DST: variants seen among roughly 807,000 people sequenced by gnomAD.
The protein encoded by DST is bullous pemphigoid antigen.
A neutral mutation model predicts 875.2 loss-of-function variants in DST; 253 were observed. That is an observed-to-expected ratio of 0.29 (90% CI 0.26 to 0.32). DST has a LOEUF of 0.32. Among genes scored for constraint, DST ranks in the 10% least tolerant of loss-of-function variants. The pLI is 1.00. For missense variants in DST, 8,287 were observed against 9,111.6 expected (o/e 0.91, Z 3.68); for synonymous variants, 3,124 against 3,197.1 (o/e 0.98, Z 0.77).
At chr6:56,513,794 CA>C (rs2096533368) in intron 72 of DST, among the ~76,000 whole-genome samples, 1 of 152,144 alleles carries the variant, frequency 6.6e-6, no homozygotes, top group South Asian at 2.1e-4. Context: ...TTATATGTGA[CA>C]AAATGATTCT....
chr6:56,943,209 G>A (rs1817600259), intron 2 of DST, among the ~76,000 whole-genome samples: 2 of 152,128 alleles, frequency 1.3e-5, no homozygotes, highest in Non-Finnish European at 2.9e-5. Context: ...TGGCACTAAT[G>A]TGACTGTAAG....
chr6:56,778,949 G>A (rs2099685846), intron 4 of DST, among the ~76,000 whole-genome samples: 1 of 151,976 alleles, frequency 6.6e-6, no homozygotes, highest in South Asian at 2.1e-4. Context: ...GATCCCTGAG[G>A]AATCACCACA....
chr6:56,693,477 G>C (rs1263902740), intron 9 of DST: 4 of 858,978 alleles, frequency 4.7e-6, no homozygotes, highest in Non-Finnish European at 5.6e-6. Flanking sequence ...TGTATGAGAA[G>C]ATTATGACTG....
chr6:56,616,006 C>T, intron 36 of DST: 2 of 1,614,196 alleles, frequency 1.2e-6, no homozygotes, highest in East Asian at 2.2e-5. Flanking sequence ...CAATTATGCC[C>T]CCTGTACTGA....
At chr6:56,753,577 T>C (rs2099594251) in intron 4 of DST, among the ~76,000 whole-genome samples, 1 of 152,212 alleles carries the variant, frequency 6.6e-6, no homozygotes, top group Non-Finnish European at 1.5e-5. Flanking sequence ...CATAAAACTG[T>C]AGTTCTTCTT....
rs551702762 is a variant in DST at position 56,493,993 on chromosome 6, T to G, written c.20394+17A>C. On this transcript the variant is annotated intron_variant, in intron 83 of 103. Transcript: ENST00000680361. ...CAACTAAAACACTGATTCTATTATA[T>G]TAATCAAAGCACATACTTTCCTTTC... The G allele has an allele frequency of 9.9e-5, 152 of 1,540,552 alleles. 1 individual carries two copies. Among genetic ancestry groups the G allele is most frequent in the Non-Finnish European group, 1.1e-5 (12 of 1,140,802 alleles).
At chr6:56,852,136 C>G in intron 3 of DST, 1 of 914,048 alleles carries the variant, frequency 1.1e-6, no homozygotes, top group African/African-American at 1.8e-5. Flanking sequence ...AGTTTTAAGC[C>G]CCTGTCCTCT....
Position 56,631,879 on chromosome 6 carries a change from T to C in DST, c.3963+4A>G. ...TTTTTTCCCAACATATTTATAGCTCTCACCTCCTGTTCTGTGATTCTGAAC... is the reference window on the plus strand; with the variant it reads ...TTTTTTCCCAACATATTTATAGCTCCCACCTCCTGTTCTGTGATTCTGAAC... On this transcript the variant is annotated splice_donor_region_variant and intron_variant, in intron 29 of 103. Coordinates refer to ENST00000680361, the MANE Select transcript of DST (RefSeq NM_001374736.1). 1 of 1,613,752 alleles carries C rather than the reference T, an allele frequency of 6.2e-7. No homozygotes were observed. The highest frequency in any genetic ancestry group is 8.5e-7 in the Non-Finnish European group (1 of 1,179,722).
At chr6:56,741,122 A>G (rs2099545390) in intron 4 of DST, among the ~76,000 whole-genome samples, 1 of 152,200 alleles carries the variant, frequency 6.6e-6, no homozygotes, top group Non-Finnish European at 1.5e-5. Flanking sequence ...AAATTGGCTA[A>G]TTACTTACCA....
chr6:56,872,276 T>C (rs1342355309), intron 3 of DST, among the ~76,000 whole-genome samples: 1 of 152,204 alleles, frequency 6.6e-6, no homozygotes, highest in African/African-American at 2.4e-5. Context: ...AGCAATAGCA[T>C]ATTAAGTGAA....
At chr6:56,687,442 C>A (rs2099195321) in intron 9 of DST, among the ~76,000 whole-genome samples, 1 of 152,070 alleles carries the variant, frequency 6.6e-6, no homozygotes, top group African/African-American at 2.4e-5. Flanking sequence ...TATTTTCTAG[C>A]CCTGTGACTT....
Position 56,925,346 on chromosome 6 carries a change from G to A in DST, c.217-24725C>T, listed in dbSNP as rs76012768. Among the ~76,000 whole-genome samples, 1,475 of 152,200 alleles carry A rather than the reference G, an allele frequency of 9.7e-3. 24 individuals carry two copies. Among genetic ancestry groups the A allele is most frequent in the African/African-American group, 0.032 (1,331 of 41,510 alleles). On this transcript the variant is annotated intron_variant, in intron 2 of 103. Transcript: ENST00000680361. ...AATTATTTTTAAAAAACATACAGTC[G>A]AAATAACATTAATAGGGAGCATATG...
chr6:56,603,758 A>G (rs776020507), intron 40 of DST, 45 bp from the exon 41 acceptor site: 2 of 1,578,424 alleles, frequency 1.3e-6, no homozygotes, highest in East Asian at 4.5e-5. Context: ...CTTTATGCAG[A>G]TGTTTAAAGC....
chr6:56,686,304 G>A (rs1482885472), intron 9 of DST, among the ~76,000 whole-genome samples: 1 of 152,110 alleles, frequency 6.6e-6, no homozygotes, highest in Non-Finnish European at 1.5e-5. Flanking sequence ...CCAAAAGTGG[G>A]GATCATAAGA....
intron 61 of DST, among the ~76,000 whole-genome samples, chr6:56,550,184 C>CT (rs1219414957): frequency 2.6e-5 from 4 of 152,032 alleles, no homozygotes; most frequent in African/African-American, 4.8e-5. Context: ...TATTCTTGTC[C>CT]TTTTTTTACC....
At chr6:56,584,130 A>C (rs2098089354) in intron 49 of DST, among the ~76,000 whole-genome samples, 1 of 152,136 alleles carries the variant, frequency 6.6e-6, no homozygotes, top group Non-Finnish European at 1.5e-5. Flanking sequence ...TTCTGTGAAG[A>C]AAGTCATTGG....
chr6:56,696,621 C>T (rs1389663943), intron 9 of DST, among the ~76,000 whole-genome samples: 1 of 152,108 alleles, frequency 6.6e-6, no homozygotes. Flanking sequence ...ACCTCCCAAC[C>T]CTTTTGGCTT....
At chr6:56,493,940 G>A in intron 83 of DST, 70 bp downstream of exon 83, 1 of 1,316,342 alleles carries the variant, frequency 7.6e-7, no homozygotes, top group Non-Finnish European at 1.0e-6. Flanking sequence ...GCTCTACTCA[G>A]AAATAAGGCC....
At chr6:56,933,134 G>A (rs1346370382) in intron 2 of DST, among the ~76,000 whole-genome samples, 1 of 152,024 alleles carries the variant, frequency 6.6e-6, no homozygotes, top group East Asian at 1.9e-4. Flanking sequence ...TGATGGTCCT[G>A]AAAGAAGTCA....
Sources: allele counts gnomAD v4.1 joint callset (sites outside exome capture counted in the v4.1 genomes callset), GRCh38; gene constraint gnomAD v4.1.1; transcripts MANE v1.5; gene names NCBI Gene and HGNC (gene_info 2026-07-23, HGNC 2026-07-21).